MLLT3: variants seen among roughly 807,000 people sequenced by gnomAD.
MLLT3 encodes the protein MLLT3 super elongation complex subunit, also known as protein AF-9.
MLLT3 carries 4 observed loss-of-function variants against 53.2 expected under a neutral mutation model. That is an observed-to-expected ratio of 0.08 (90% confidence interval 0.04 to 0.17). MLLT3 has a LOEUF of 0.17. MLLT3 is among the 10% of genes least tolerant of loss of function. MLLT3 has a pLI of 1.00. For synonymous variants in MLLT3, 283 were observed against 230.6 expected (o/e 1.23, Z -2.06); for missense variants, 569 against 684.0 (o/e 0.83, Z 1.87).
chr9:20,543,330 T>C (rs1378897976), intron 2 of MLLT3, among the ~76,000 whole-genome samples: 3 of 152,242 alleles, frequency 2.0e-5, no homozygotes, highest in Non-Finnish European at 2.9e-5. Context: ...TAATCATTTC[T>C]AGCTTTTAAT....
At chr9:20,490,474 C>G (rs550381087) in intron 2 of MLLT3, among the ~76,000 whole-genome samples, 1 of 152,308 alleles carries the variant, frequency 6.6e-6, no homozygotes, top group African/African-American at 2.4e-5. Flanking sequence ...TGAGGGATGG[C>G]CCAGCTAACA....
At chr9:20,392,348 T>A (rs1285334625) in intron 5 of MLLT3, among the ~76,000 whole-genome samples, 2 of 152,180 alleles carry the variant, frequency 1.3e-5, no homozygotes, top group Admixed American at 6.5e-5. Context: ...AGATGCAGTC[T>A]GACGGGAGAA....
chr9:20,371,944 T>C lies in MLLT3; in HGVS notation c.1126-6200A>G, dbSNP rs369758439. Among the ~76,000 whole-genome samples the C allele has an allele frequency of 7.0e-4, 107 of 152,264 alleles. 1 individual carries two copies. The highest frequency in any genetic ancestry group is 3.4e-3 in the Middle Eastern group (1 of 294). ...AACATTCATGATTCACAAGAGAAGA[T>C]CAAAATATGAACATTAAAAGGAGTT... is the stretch of plus-strand genomic sequence containing the variant. On this transcript the variant is annotated intron_variant, in intron 5 of 10. Coordinates refer to ENST00000380338, the MANE Select transcript of MLLT3 (RefSeq NM_004529.4).
chr9:20,381,085 T>C (rs896612575), intron 5 of MLLT3, among the ~76,000 whole-genome samples: 13 of 152,090 alleles, frequency 8.5e-5, no homozygotes, highest in African/African-American at 2.9e-4. Context: ...GAACTTATTA[T>C]GATCAGCTTC....
intron 2 of MLLT3, among the ~76,000 whole-genome samples, chr9:20,546,033 T>C (rs929902055): frequency 6.6e-6 from 1 of 151,644 alleles, no homozygotes; most frequent in East Asian, 1.9e-4. Flanking sequence ...AAAACAGTCA[T>C]AAAAAAAGAA....
chr9:20,463,513 T>C (rs1379157765), intron 2 of MLLT3, among the ~76,000 whole-genome samples: 1 of 152,160 alleles, frequency 6.6e-6, no homozygotes, highest in Non-Finnish European at 1.5e-5. Context: ...GGTAATATTA[T>C]TAATTGCTAG....
intron 4 of MLLT3, among the ~76,000 whole-genome samples, chr9:20,416,109 C>G (rs890461788): frequency 6.6e-6 from 1 of 151,740 alleles, no homozygotes; most frequent in Non-Finnish European, 1.5e-5. Flanking sequence ...TTTATAAATT[C>G]TATTACATTT....
intron 2 of MLLT3, among the ~76,000 whole-genome samples, chr9:20,552,479 C>T (rs978576097): frequency 6.6e-6 from 1 of 152,134 alleles, no homozygotes; most frequent in African/African-American, 2.4e-5. Context: ...AGCAGCTAGA[C>T]TCTAGCTGCT....
At chr9:20,558,169 G>A (rs1470029725) in intron 2 of MLLT3, among the ~76,000 whole-genome samples, 2 of 152,202 alleles carry the variant, frequency 1.3e-5, no homozygotes, top group East Asian at 1.9e-4. Flanking sequence ...CAGAACCATT[G>A]ATTTCAGCGA....
chr9:20,437,497 G>C (rs1057183976), intron 4 of MLLT3, among the ~76,000 whole-genome samples: 1 of 152,118 alleles, frequency 6.6e-6, no homozygotes, highest in Non-Finnish European at 1.5e-5. Flanking sequence ...GAGAAGTAAA[G>C]AAGCTCAAGA....
At chr9:20,596,176 C>G (rs1820256898) in intron 2 of MLLT3, among the ~76,000 whole-genome samples, 1 of 152,108 alleles carries the variant, frequency 6.6e-6, no homozygotes, top group South Asian at 2.1e-4. Context: ...TCAGGAATTG[C>G]CTCCATTGAA....
chr9:20,405,316 T>C (rs987731691), intron 5 of MLLT3, among the ~76,000 whole-genome samples: 1 of 152,222 alleles, frequency 6.6e-6, no homozygotes, highest in African/African-American at 2.4e-5. Context: ...TTTTATTTCT[T>C]ACTCTTCCCT....
At chr9:20,460,137 C>A (rs961628221) in intron 2 of MLLT3, among the ~76,000 whole-genome samples, 3 of 152,120 alleles carry the variant, frequency 2.0e-5, no homozygotes, top group African/African-American at 7.2e-5. Context: ...ACAAGTAGAA[C>A]CATGTTTGGG....
intron 4 of MLLT3, among the ~76,000 whole-genome samples, chr9:20,445,943 T>C (rs1478985528): frequency 6.6e-6 from 1 of 152,168 alleles, no homozygotes; most frequent in African/African-American, 2.4e-5. Context: ...AGTAACACCA[T>C]GATAGGCTGC....
chr9:20,378,417 T>C (rs1821827684), intron 5 of MLLT3, among the ~76,000 whole-genome samples: 1 of 152,080 alleles, frequency 6.6e-6, no homozygotes, highest in Non-Finnish European at 1.5e-5. Context: ...TTTTGTCATT[T>C]TACAGTATTT....
At chr9:20,570,629 A>T (rs1819509597) in intron 2 of MLLT3, among the ~76,000 whole-genome samples, 1 of 152,182 alleles carries the variant, frequency 6.6e-6, no homozygotes. Flanking sequence ...CAATTTTTGT[A>T]TTTGTCAGAA....
chr9:20,524,540 C>G (rs567503060), intron 2 of MLLT3, among the ~76,000 whole-genome samples: 22 of 151,886 alleles, frequency 1.4e-4, no homozygotes, highest in African/African-American at 3.9e-4. Context: ...AAAAAAATGA[C>G]AGGCTCTCGG....
intron 4 of MLLT3, among the ~76,000 whole-genome samples, chr9:20,436,220 T>C (rs1823398896): frequency 6.6e-6 from 1 of 152,210 alleles, no homozygotes; most frequent in Non-Finnish European, 1.5e-5. Flanking sequence ...ATGCATAACC[T>C]TGCTGTTCAA....
intron 2 of MLLT3, among the ~76,000 whole-genome samples, chr9:20,610,094 A>G (rs1342027944): frequency 6.6e-6 from 1 of 152,148 alleles, no homozygotes. Flanking sequence ...AAAAGCCCAC[A>G]CAGCTTATTC....
Sources: allele counts gnomAD v4.1 joint callset (sites outside exome capture counted in the v4.1 genomes callset), GRCh38; gene constraint gnomAD v4.1.1; transcripts MANE v1.5; gene names NCBI Gene and HGNC (gene_info 2026-07-23, HGNC 2026-07-21).